The following KCNQ1 variants were observed in gnomAD, a reference collection of about 807,000 sequenced individuals.
KCNQ1 encodes potassium voltage-gated channel subfamily KQT member 1.
Under a neutral mutation model 72.4 loss-of-function variants are expected in KCNQ1, and 49 were observed. The ratio of observed to expected loss-of-function variants is 0.68; its 90% CI spans 0.54 to 0.86. KCNQ1 has a LOEUF of 0.86. KCNQ1 is among the 40% of genes least tolerant of loss of function. The pLI is 0.00. For synonymous variants in KCNQ1, 450 were observed against 412.6 expected, an observed-to-expected ratio of 1.09 and a Z score of -1.10; for missense variants, 790 against 945.1, an observed-to-expected ratio of 0.84 and a Z score of 2.15.
At chr11:2,807,139 G>T (rs1847390747) in intron 15 of KCNQ1, among the ~76,000 whole-genome samples, 1 of 152,248 alleles carries the variant, frequency 6.6e-6, no homozygotes, top group Non-Finnish European at 1.5e-5. Context: ...TAGCCCGTTT[G>T]GAAGTCTGCT....
At chr11:2,499,284 T>C (rs1207701263) in intron 1 of KCNQ1, among the ~76,000 whole-genome samples, 1 of 152,184 alleles carries the variant, frequency 6.6e-6, no homozygotes, top group Non-Finnish European at 1.5e-5. Flanking sequence ...AGCCTCATGG[T>C]AACCTCAGAT....
rs536150780 is a variant in KCNQ1, at chr11:2,565,076, C to T, written c.478-5552C>T. Among the ~76,000 whole-genome samples the T allele has an allele frequency of 6.6e-5, 10 of 152,202 alleles. No homozygotes were observed. The highest frequency in any genetic ancestry group is 2.6e-4 in the Admixed American group (4 of 15,272). ...GTGTATGGATCTCCTTTAAAGAGAC[C>T]GGGGACAGACTCCAAAGTGGAATTG... On this transcript the variant is annotated intron_variant, in intron 2 of 15. Coordinates refer to ENST00000155840, the MANE Select transcript of KCNQ1 (RefSeq NM_000218.3). This position sits in a 1 kb window ranked among gnomAD's most constrained non-coding sequence, Gnocchi z 5.6.
rs1426161455 is a variant in KCNQ1, at chr11:2,559,839, G to A, written c.478-10789G>A. Among the ~76,000 whole-genome samples the A allele has an allele frequency of 6.6e-6, 1 of 152,014 alleles. No homozygotes were observed. Among genetic ancestry groups the A allele is most frequent in the Non-Finnish European group, 1.5e-5 (1 of 68,010 alleles). On this transcript the variant is annotated intron_variant, in intron 2 of 15. Transcript: ENST00000155840. The surrounding 1 kb of genome is among the most constrained non-coding windows in gnomAD (Gnocchi z 4.9). ...TCTGCTGCCTGCTTCCTGGGCAGGG[G>A]CTCCTTCCTCCCTCTCTGTCTCTGG...
chr11:2,528,903 C>T (rs1286678493), intron 2 of KCNQ1, among the ~76,000 whole-genome samples: 2 of 152,186 alleles, frequency 1.3e-5, no homozygotes, highest in African/African-American at 4.8e-5. Context: ...TGGTATCCGT[C>T]TCATTTCTAG....
intron 11 of KCNQ1, among the ~76,000 whole-genome samples, chr11:2,709,597 C>A (rs1850972556): frequency 6.6e-6 from 1 of 151,978 alleles, no homozygotes; most frequent in Non-Finnish European, 1.5e-5. Flanking sequence ...TTTCAGTGCC[C>A]CTAAAAGCAA....
chr11:2,614,291 T>C, intron 10 of KCNQ1: 1 of 398,606 alleles, frequency 2.5e-6, no homozygotes, highest in Non-Finnish European at 4.4e-6. Context: ...ACATTTAATA[T>C]AGAGTCTTCT....
chr11:2,590,127 C>T (rs1391962952), intron 10 of KCNQ1, among the ~76,000 whole-genome samples: 1 of 152,214 alleles, frequency 6.6e-6, no homozygotes, highest in East Asian at 1.9e-4. Context: ...AGGATTCTGG[C>T]TTTTTCTGTC....
rs1847848454 is a variant in KCNQ1 at position 2,826,698 on chromosome 11, C to T, written c.1795-21069C>T. Among the ~76,000 whole-genome samples the T allele has an allele frequency of 2.0e-5, 3 of 152,242 alleles. No individual in the cohort carries two copies. The highest frequency in any genetic ancestry group is 2.0e-4 in the Admixed American group (3 of 15,288). ...AGAGGGGTGCAGAGGGCCAGAGAGG[C>T]ACGGGGCTCCCCTGGGCACCCCTCG... is the stretch of plus-strand genomic sequence containing the variant. On this transcript the variant is annotated intron_variant, in intron 15 of 15. Transcript: ENST00000155840. The surrounding 1 kb of genome is among the most constrained non-coding windows in gnomAD (Gnocchi z 4.2).
At chr11:2,799,679 G>A (rs1214301167) in intron 15 of KCNQ1, among the ~76,000 whole-genome samples, 1 of 152,152 alleles carries the variant, frequency 6.6e-6, no homozygotes, top group Non-Finnish European at 1.5e-5. Flanking sequence ...TCTGCAGGTA[G>A]TCACCGTTCT....
rs183146623 is a variant in KCNQ1, at chr11:2,642,149, A to T, written c.1394-19812A>T. The T allele has an allele frequency of 2.5e-6, 1 of 398,198 alleles. No individual in the cohort carries two copies. Among genetic ancestry groups the T allele is most frequent in the Admixed American group, 4.4e-5 (1 of 22,712 alleles). The allele number at this position is 398,198 out of a possible 1,614,324, so 24.7% of individuals were successfully genotyped here. On this transcript the variant is annotated intron_variant, in intron 10 of 15. Coordinates refer to ENST00000155840, the MANE Select transcript of KCNQ1 (RefSeq NM_000218.3). The surrounding 1 kb of genome is among the most constrained non-coding windows in gnomAD (Gnocchi z 4.3). ...GAATTTTAGGATTTTTTCTATTTCCATGAAAAATGGCATTGGTATTTTGAG... is the reference window on the plus strand; with the variant it reads ...GAATTTTAGGATTTTTTCTATTTCCTTGAAAAATGGCATTGGTATTTTGAG...
chr11:2,578,336 A>C lies in KCNQ1; in HGVS notation c.922-5099A>C, dbSNP rs7931974. Among the ~76,000 whole-genome samples the C allele has an allele frequency of 2.5e-3, 385 of 152,340 alleles. 2 individuals carry two copies. The highest frequency in any genetic ancestry group is 8.8e-3 in the African/African-American group (367 of 41,586). ...GCCCAGCCTTGCCAGCAGGGCAGCC[A>C]CAGGACTTCCAGGCAAGGTGACGGT... is the stretch of plus-strand genomic sequence containing the variant. On this transcript the variant is annotated intron_variant, in intron 6 of 15. Coordinates refer to ENST00000155840, the MANE Select transcript of KCNQ1 (RefSeq NM_000218.3).
chr11:2,579,046 C>T lies in KCNQ1; in HGVS notation c.922-4389C>T, dbSNP rs1687033458. ...CCACCCCTTCCTCTGGACAGACGAC[C>T]ACCACATCTCCAGCCAGGACCACCC... is the stretch of plus-strand genomic sequence containing the variant. On this transcript the variant is annotated intron_variant, in intron 6 of 15. Transcript: ENST00000155840. This position sits in a 1 kb window ranked among gnomAD's most constrained non-coding sequence, Gnocchi z 6.0. Among the ~76,000 whole-genome samples, 1 of 152,190 alleles carries T rather than the reference C, an allele frequency of 6.6e-6. No homozygotes were observed. The highest frequency in any genetic ancestry group is 1.5e-5 in the Non-Finnish European group (1 of 68,032).
rs1230255928 is a variant in KCNQ1, at chr11:2,457,367, G to C, written c.386+11883G>C. Among the ~76,000 whole-genome samples the C allele has an allele frequency of 6.6e-6, 1 of 152,190 alleles. No individual in the cohort carries two copies. Among genetic ancestry groups the C allele is most frequent in the African/African-American group, 2.4e-5 (1 of 41,436 alleles). On this transcript the variant is annotated intron_variant, in intron 1 of 15. Coordinates refer to ENST00000155840, the MANE Select transcript of KCNQ1 (RefSeq NM_000218.3). This position sits in a 1 kb window ranked among gnomAD's most constrained non-coding sequence, Gnocchi z 5.0. ...TGCACCTAAACATTCATGGCAGAAA[G>C]ACATGAGTCAACTCAGGTGCCTGTC...
chr11:2,519,552 C>T (rs536862965), intron 1 of KCNQ1, among the ~76,000 whole-genome samples: 61 of 152,152 alleles, frequency 4.0e-4, no homozygotes, highest in South Asian at 1.9e-3. Context: ...CCCAGGAAAT[C>T]GAGGCTGCAG....
chr11:2,645,653 G>C lies in KCNQ1; in HGVS notation c.1394-16308G>C. The C allele has an allele frequency of 2.5e-6, 1 of 398,790 alleles. No homozygotes were observed. The highest frequency in any genetic ancestry group is 4.4e-6 in the Non-Finnish European group (1 of 226,188). The allele number at this position is 398,790 out of a possible 1,614,324, so 24.7% of individuals were successfully genotyped here. A position where few individuals can be genotyped will look rare whatever the true frequency, so the allele number is the denominator to read the frequency against. ...TTCCTCATGGCAGCCTTGCTTCGGA[G>C]GTAGCAGAGTATTGCCAATGGCTCA... On this transcript the variant is annotated intron_variant, in intron 10 of 15. Transcript: ENST00000155840. The surrounding 1 kb of genome is among the most constrained non-coding windows in gnomAD (Gnocchi z 5.8).
In KCNQ1 at chr11:2,611,239, G is replaced by T. The variant is rs1001478190; in HGVS notation, c.1393+22385G>T. ...TTTATTTATTTTTATTTTATTTTTGGGATGGAGTCTCACTCTGTTGCCCAG... is the reference window on the plus strand; with the variant it reads ...TTTATTTATTTTTATTTTATTTTTGTGATGGAGTCTCACTCTGTTGCCCAG... On this transcript the variant is annotated intron_variant, in intron 10 of 15. Coordinates refer to ENST00000155840, the MANE Select transcript of KCNQ1 (RefSeq NM_000218.3). This position sits in a 1 kb window ranked among gnomAD's most constrained non-coding sequence, Gnocchi z 5.3. The T allele has an allele frequency of 1.3e-5, 5 of 397,084 alleles. No homozygotes were observed. Among genetic ancestry groups the T allele is most frequent in the South Asian group, 1.3e-4 (1 of 7,416 alleles). 24.6% of individuals were successfully genotyped at this position (397,084 alleles called of 1,614,324 possible).
chr11:2,611,888 C>T lies in KCNQ1; in HGVS notation c.1393+23034C>T. On this transcript the variant is annotated intron_variant, in intron 10 of 15. Coordinates refer to ENST00000155840, the MANE Select transcript of KCNQ1 (RefSeq NM_000218.3). The surrounding 1 kb of genome is among the most constrained non-coding windows in gnomAD (Gnocchi z 5.3). ...ATTTCCCCCATTTTTAAAGTGTAAT[C>T]TGGAGGTTACAATAAGCAGCTTAAG... The T allele has an allele frequency of 2.5e-6, 1 of 398,416 alleles. No homozygotes were observed. The highest frequency in any genetic ancestry group is 4.4e-6 in the Non-Finnish European group (1 of 226,018). The allele number at this position is 398,416 out of a possible 1,614,324, so 24.7% of individuals were successfully genotyped here.
rs1269218202 is a variant in KCNQ1 at position 2,663,451 on chromosome 11, G to T, written c.1514+1370G>T. 2 of 398,672 alleles carry T rather than the reference G, an allele frequency of 5.0e-6. No individual in the cohort carries two copies. The highest frequency in any genetic ancestry group is 8.8e-6 in the Non-Finnish European group (2 of 226,196). 24.7% of individuals were successfully genotyped at this position (398,672 alleles called of 1,614,324 possible). On this transcript the variant is annotated intron_variant, in intron 11 of 15. Transcript: ENST00000155840. The surrounding 1 kb of genome is among the most constrained non-coding windows in gnomAD (Gnocchi z 5.2). The stretch of plus-strand genomic sequence containing the variant: ...GTCCTGGATATGATGGACCTCCAAA[G>T]TGATCAGTGTTAGTTTAGTGGCTCA...
intron 11 of KCNQ1, among the ~76,000 whole-genome samples, chr11:2,758,082 A>T (rs531570661): frequency 1.3e-5 from 2 of 152,214 alleles, no homozygotes; most frequent in Non-Finnish European, 2.9e-5. Flanking sequence ...TTAAAACTTA[A>T]AACACTTGTT....
Sources: allele counts gnomAD v4.1 joint callset (sites outside exome capture counted in the v4.1 genomes callset), GRCh38; gene constraint gnomAD v4.1.1; non-coding constraint Gnocchi (gnomAD v3.1); transcripts MANE v1.5; gene names NCBI Gene and HGNC (gene_info 2026-07-23, HGNC 2026-07-21).